NKAIN2: variants seen among roughly 807,000 people sequenced by gnomAD.
NKAIN2 encodes the protein sodium/potassium-transporting ATPase subunit beta-1-interacting protein 2.
A neutral mutation model predicts 32.6 loss-of-function variants in NKAIN2; 14 were observed. That is an observed-to-expected ratio of 0.43 (90% confidence interval 0.28 to 0.67). The LOEUF (loss-of-function observed/expected upper bound fraction) is 0.67. Among genes scored for constraint, NKAIN2 ranks in the 30% least tolerant of loss-of-function variants. The probability of loss-of-function intolerance (pLI) is 0.17; values close to 1 mark genes in which losing one functional copy is unlikely to be tolerated. For missense variants in NKAIN2, 198 were observed against 258.3 expected (o/e 0.77, Z 1.60); for synonymous variants, 80 against 87.2 (o/e 0.92, Z 0.46).
intron 1 of NKAIN2, among the ~76,000 whole-genome samples, chr6:124,009,454 C>T (rs1780222215): frequency 6.6e-6 from 1 of 152,146 alleles, no homozygotes; most frequent in Non-Finnish European, 1.5e-5. Context: ...TTTAGCATTC[C>T]CTTCACAAAT....
intron 4 of NKAIN2, among the ~76,000 whole-genome samples, chr6:124,772,864 A>G (rs1254033485): frequency 1.3e-5 from 2 of 152,188 alleles, no homozygotes; most frequent in African/African-American, 2.4e-5. Context: ...TCTATCAGGT[A>G]TAATGTTTAC....
intron 3 of NKAIN2, among the ~76,000 whole-genome samples, chr6:124,409,202 T>A (rs1378789814): frequency 4.6e-5 from 7 of 152,152 alleles, no homozygotes; most frequent in South Asian, 2.1e-4. Flanking sequence ...TCCTGCCTGA[T>A]TGCCCTGGCC....
chr6:124,157,840 G>C (rs1788067649), intron 1 of NKAIN2, among the ~76,000 whole-genome samples: 1 of 151,992 alleles, frequency 6.6e-6, no homozygotes, highest in South Asian at 2.1e-4. Flanking sequence ...ATTTCCTTCT[G>C]GTAGTTACTA....
chr6:124,508,418 C>T (rs1407847928), intron 3 of NKAIN2, among the ~76,000 whole-genome samples: 1 of 151,418 alleles, frequency 6.6e-6, no homozygotes, highest in Non-Finnish European at 1.5e-5. Context: ...GATCTCGGCT[C>T]GCTGCAAGCT....
chr6:124,340,649 G>C lies in NKAIN2; in HGVS notation c.193-14618G>C, dbSNP rs553964655. Among the ~76,000 whole-genome samples, 7 of 152,234 alleles carry C rather than the reference G, an allele frequency of 4.6e-5. 1 individual carries two copies. The East Asian group carries it at 1.4e-3, about 29-fold the overall frequency. On this transcript the variant is annotated intron_variant, in intron 2 of 6. Coordinates refer to ENST00000368417, the MANE Select transcript of NKAIN2 (RefSeq NM_001040214.3). ...ATGCTGTATTTGATGTTCTGTTCCT[G>C]TGTTAGTTTGCTAAGGATAAGCATG... is the stretch of plus-strand genomic sequence containing the variant.
chr6:124,117,253 A>G (rs1171636412), intron 1 of NKAIN2, among the ~76,000 whole-genome samples: 1 of 152,198 alleles, frequency 6.6e-6, no homozygotes, highest in Non-Finnish European at 1.5e-5. Flanking sequence ...TGCCATAGGT[A>G]GGATCACAGA....
chr6:124,779,321 A>AGGGG (rs1433965639), intron 4 of NKAIN2, among the ~76,000 whole-genome samples: 1 of 30,620 alleles, frequency 3.3e-5, no homozygotes, highest in African/African-American at 1.2e-4. Context: ...GGAGGGAGGG[A>AGGGG]AGGAAGGAAG....
intron 1 of NKAIN2, among the ~76,000 whole-genome samples, chr6:124,131,518 A>T (rs1267284621): frequency 6.6e-6 from 1 of 152,192 alleles, no homozygotes; most frequent in Non-Finnish European, 1.5e-5. Flanking sequence ...ATGCCATGCT[A>T]CTGCAAAATC....
At chr6:124,474,741 CTA>C (rs1777114844) in intron 3 of NKAIN2, among the ~76,000 whole-genome samples, 2 of 150,384 alleles carry the variant, frequency 1.3e-5, no homozygotes, top group South Asian at 4.2e-4. Context: ...TTTGAGCTCT[CTA>C]TGATATATAC....
intron 4 of NKAIN2, among the ~76,000 whole-genome samples, chr6:124,689,961 T>G (rs1774179580): frequency 6.6e-6 from 1 of 152,138 alleles, no homozygotes; most frequent in Non-Finnish European, 1.5e-5. Context: ...CATATAAAGA[T>G]TTGAATCTGT....
At chr6:124,602,174 C>CT (rs1782331997) in intron 3 of NKAIN2, among the ~76,000 whole-genome samples, 1 of 151,784 alleles carries the variant, frequency 6.6e-6, no homozygotes, top group African/African-American at 2.4e-5. Flanking sequence ...ATATAGTGGC[C>CT]TTAAGGTTTT....
At chr6:124,427,445 A>G (rs1036156832) in intron 3 of NKAIN2, among the ~76,000 whole-genome samples, 2 of 152,228 alleles carry the variant, frequency 1.3e-5, no homozygotes, top group African/African-American at 4.8e-5. Flanking sequence ...CCAAACTTAA[A>G]TGGTATACTT....
intron 6 of NKAIN2, among the ~76,000 whole-genome samples, chr6:124,821,396 C>A (rs191462315): frequency 6.6e-6 from 1 of 151,758 alleles, no homozygotes; most frequent in Non-Finnish European, 1.5e-5. Context: ...TATGAGTGAC[C>A]AATAAATATG....
intron 3 of NKAIN2, among the ~76,000 whole-genome samples, chr6:124,431,999 A>G (rs1486318907): frequency 2.6e-5 from 4 of 152,184 alleles, no homozygotes; most frequent in African/African-American, 9.6e-5. Flanking sequence ...AATAAAAGCC[A>G]TTGTTTGGCT....
intron 1 of NKAIN2, among the ~76,000 whole-genome samples, chr6:124,152,077 T>G (rs1787754455): frequency 1.3e-5 from 2 of 152,004 alleles, no homozygotes; most frequent in Admixed American, 1.3e-4. Flanking sequence ...CTAGAAAACT[T>G]ATTACCTTAT....
chr6:124,263,567 T>G (rs1016590205), intron 1 of NKAIN2, among the ~76,000 whole-genome samples: 1 of 152,212 alleles, frequency 6.6e-6, no homozygotes, highest in Non-Finnish European at 1.5e-5. Flanking sequence ...TAATACATTT[T>G]ACAAAGTTGC....
intron 2 of NKAIN2, among the ~76,000 whole-genome samples, chr6:124,346,377 C>T (rs568809151): frequency 6.6e-6 from 1 of 152,086 alleles, no homozygotes; most frequent in Non-Finnish European, 1.5e-5. Flanking sequence ...GAGTTCAATT[C>T]CTGGGTATCC....
At chr6:124,247,904 A>C (rs1793494672) in intron 1 of NKAIN2, among the ~76,000 whole-genome samples, 1 of 152,116 alleles carries the variant, frequency 6.6e-6, no homozygotes, top group Non-Finnish European at 1.5e-5. Flanking sequence ...AATTGTATTT[A>C]ATTAAGTAGG....
intron 1 of NKAIN2, among the ~76,000 whole-genome samples, chr6:123,891,584 C>T (rs1365724313): frequency 6.6e-6 from 1 of 152,138 alleles, no homozygotes; most frequent in Non-Finnish European, 1.5e-5. Flanking sequence ...TGCTTATTCC[C>T]CATAGGAAAC....
Sources: allele counts gnomAD v4.1 joint callset (sites outside exome capture counted in the v4.1 genomes callset), GRCh38; gene constraint gnomAD v4.1.1; transcripts MANE v1.5; gene names NCBI Gene and HGNC (gene_info 2026-07-23, HGNC 2026-07-21).